CATSPERB: variants seen among roughly 807,000 people sequenced by gnomAD.
The protein encoded by CATSPERB is catsper channel auxiliary subunit beta.
CATSPERB carries 93 observed loss-of-function variants against 128.3 expected under a neutral mutation model. That is an observed-to-expected ratio of 0.72 (90% CI 0.61 to 0.86). CATSPERB has a LOEUF of 0.86. Among genes scored for constraint, CATSPERB ranks in the 40% least tolerant of loss-of-function variants. The probability of loss-of-function intolerance (pLI) is 0.00; values close to 1 mark genes in which losing one functional copy is unlikely to be tolerated. For synonymous variants in CATSPERB, 381 were observed against 448.8 expected, an observed-to-expected ratio of 0.85 and a Z score of 1.91; for missense variants, 1,153 against 1,329.5, an observed-to-expected ratio of 0.87 and a Z score of 2.06.
At chr14:91,622,222 A>C (rs199705842) in intron 18 of CATSPERB, among the ~76,000 whole-genome samples, 1 of 126,388 alleles carries the variant, frequency 7.9e-6, no homozygotes. Flanking sequence ...TTTTTTTTTT[A>C]CTATGGAAAT....
intron 2 of CATSPERB, 80 bp from the exon 3 acceptor site, chr14:91,725,248 A>C (rs1052626525): frequency 1.6e-5 from 9 of 551,054 alleles, no homozygotes; most frequent in Non-Finnish European, 1.7e-5. Flanking sequence ...TAAAACTGAC[A>C]AAATATTTTT....
Position 91,639,123 on chromosome 14 carries a change from A to G in CATSPERB, c.1560T>C (p.Phe520=). ...RFEASGPPTA[F]GNSRNLFGQP... is the part of the protein sequence containing the mutation. Reference sequence around the variant, plus strand: ...GTCCAAAAAGATTTCTAGAATTTCCAAAGGCTGTGGGTGGTCCACTAGCTT... The same window carrying G: ...GTCCAAAAAGATTTCTAGAATTTCCGAAGGCTGTGGGTGGTCCACTAGCTT... Residue 520 remains phenylalanine, a synonymous_variant, in exon 16 of 27, where the codon TTT becomes TTC. Transcript: ENST00000256343. 1.2e-6 allele frequency: 2 copies of G among 1,614,020 alleles called. No individual in the cohort carries two copies. Among genetic ancestry groups the G allele is most frequent in the Non-Finnish European group, 1.7e-6 (2 of 1,179,984 alleles).
At chr14:91,609,275 T>C (rs1266377908) in intron 21 of CATSPERB, among the ~76,000 whole-genome samples, 1 of 152,034 alleles carries the variant, frequency 6.6e-6, no homozygotes, top group Non-Finnish European at 1.5e-5. Context: ...ATGGAACCCA[T>C]GGTGTTATTT....
In CATSPERB at chr14:91,617,641, T is replaced by A; in HGVS notation, c.2356A>T (p.Ser786Cys). 1 of 1,599,818 alleles carries A rather than the reference T, an allele frequency of 6.3e-7. No homozygotes were observed. The highest frequency in any genetic ancestry group is 1.1e-5 in the South Asian group (1 of 87,692). The change falls in exon 20 of 27, where the codon AGT (serine) becomes TGT (cysteine). Residue 786 changes from serine to cysteine, a missense_variant. Transcript: ENST00000256343. ...TAEVTFDDTD[S>C]YVITISAASK... ...GCTGCAGAAATTGTTATTACATAAC[T>A]GTCAGTATCATCAAAAGTCACTTCA... is the stretch of plus-strand genomic sequence containing the variant.
chr14:91,694,251 C>T (rs1895519719), intron 7 of CATSPERB, among the ~76,000 whole-genome samples: 1 of 151,738 alleles, frequency 6.6e-6, no homozygotes, highest in Admixed American at 6.6e-5. Context: ...TTGAGACCAG[C>T]CTGGGCAACA....
chr14:91,617,708 CAGT>C lies in CATSPERB; in HGVS notation c.2286_2288del (p.Leu763del). On this transcript the variant is annotated inframe_deletion, in exon 20 of 27. Transcript: ENST00000256343. ...AATTAGGGTTTCCAACAAACACAGT[CAGT>C]AGTGGTATTTCAAGCATTCGAAAAC... 1 of 1,600,754 alleles carries C rather than the reference CAGT, an allele frequency of 6.2e-7. No individual in the cohort carries two copies. The highest frequency in any genetic ancestry group is 8.5e-7 in the Non-Finnish European group (1 of 1,175,738).
chr14:91,621,693 A>T lies in CATSPERB; in HGVS notation c.2175T>A (p.Asp725Glu). 2 of 1,613,872 alleles carry T rather than the reference A, an allele frequency of 1.2e-6. No homozygotes were observed. The highest frequency in any genetic ancestry group is 1.7e-6 in the Non-Finnish European group (2 of 1,179,716). ...TCACGATGTTGAGGGATGGTGAATC[A>T]TCATGTTGAAACCAATAATTACATG... ...SKPCNYWFQH[D>E]DSPSLNIVKY... The change falls in exon 19 of 27, where the codon GAT (aspartate) becomes GAA (glutamate). Residue 725 changes from aspartate (D) to glutamate (E), a missense_variant. Physicochemically the swap from Asp to Glu is conservative, Grantham distance 45. Coordinates refer to ENST00000256343, the MANE Select transcript of CATSPERB (RefSeq NM_024764.4).
chr14:91,589,858 A>G (rs1438362162), intron 23 of CATSPERB, among the ~76,000 whole-genome samples, 189 bp from the exon 24 acceptor site: 2 of 152,228 alleles, frequency 1.3e-5, no homozygotes, highest in South Asian at 2.1e-4. Flanking sequence ...CAAAGGCAGT[A>G]TATACATTGT....
chr14:91,679,609 G>T (rs1407627296), intron 11 of CATSPERB, among the ~76,000 whole-genome samples: 1 of 152,050 alleles, frequency 6.6e-6, no homozygotes, highest in Non-Finnish European at 1.5e-5. Flanking sequence ...CTTCTATGTT[G>T]CCCTTAAAGT....
chr14:91,636,438 C>G lies in CATSPERB; in HGVS notation c.1729G>C (p.Val577Leu). Residue 577 changes from valine (V) to leucine (L), a missense_variant, in exon 17 of 27, where the codon GTG (valine) becomes CTG (leucine). Val to Leu is a conservative substitution (Grantham distance 32). Transcript: ENST00000256343. ...GCATATCACTACCCAGAGTGTATCA[C>G]TTTTCCATAGTGTATATTGCCGAAC... Reference protein sequence around the residue: ...KKFGNIHYGKVIHSGKTGRAY... With the variant: ...KKFGNIHYGKLIHSGKTGRAY... 1 of 1,614,000 alleles carries G rather than the reference C, an allele frequency of 6.2e-7. No homozygotes were observed. The highest frequency in any genetic ancestry group is 8.5e-7 in the Non-Finnish European group (1 of 1,179,952).
chr14:91,633,397 A>G (rs576338762), intron 17 of CATSPERB, among the ~76,000 whole-genome samples: 4 of 152,250 alleles, frequency 2.6e-5, no homozygotes, highest in Admixed American at 2.6e-4. Flanking sequence ...AAAATATTCC[A>G]GTCTTAAACT....
At chr14:91,591,226 T>C (rs1262220691) in intron 23 of CATSPERB, among the ~76,000 whole-genome samples, 1 of 151,996 alleles carries the variant, frequency 6.6e-6, no homozygotes, top group African/African-American at 2.4e-5. Context: ...GGCTGATTTT[T>C]GTATTTTTAG....
intron 11 of CATSPERB, among the ~76,000 whole-genome samples, chr14:91,675,157 C>T (rs184695804): frequency 1.3e-3 from 196 of 152,298 alleles, no homozygotes; most frequent in Middle Eastern, 0.01. Flanking sequence ...TGGTTTGCAA[C>T]GAGTGGGGCA....
intron 15 of CATSPERB, among the ~76,000 whole-genome samples, chr14:91,645,540 C>A (rs1347248286): frequency 6.1e-5 from 4 of 65,140 alleles, no homozygotes; most frequent in Non-Finnish European, 1.0e-4. Context: ...GGTCAGGGAC[C>A]CACTTGAGGA....
At chr14:91,591,211 T>C (rs1166334998) in intron 23 of CATSPERB, among the ~76,000 whole-genome samples, 1 of 152,066 alleles carries the variant, frequency 6.6e-6, no homozygotes, top group Non-Finnish European at 1.5e-5. Flanking sequence ...CAAGCCACCA[T>C]GCCCGGCTGA....
intron 5 of CATSPERB, chr14:91,709,222 T>G (rs985395195): frequency 6.6e-6 from 1 of 152,172 alleles, no homozygotes. Flanking sequence ...TTGGGAGAGA[T>G]AATGGCTACA....
chr14:91,648,426 T>C (rs978607662), intron 15 of CATSPERB, among the ~76,000 whole-genome samples: 5 of 152,188 alleles, frequency 3.3e-5, no homozygotes, highest in Non-Finnish European at 7.3e-5. Flanking sequence ...CAACACAACA[T>C]CTTAATTCCT....
At chr14:91,676,674 A>G (rs1035538653) in intron 11 of CATSPERB, among the ~76,000 whole-genome samples, 2 of 152,204 alleles carry the variant, frequency 1.3e-5, no homozygotes, top group African/African-American at 4.8e-5. Flanking sequence ...ACTTTTAAAA[A>G]CTGAACTGCC....
At position 91,682,718 on chromosome 14, in the gene CATSPERB, G is replaced by T. The variant is rs1458625756; in HGVS notation, c.931+1159C>A. 2.6e-5 allele frequency among the ~76,000 whole-genome samples: 4 copies of T among 152,230 alleles called. No homozygotes were observed. In the East Asian group the frequency reaches 7.7e-4, roughly 29 times the overall value. On this transcript the variant is annotated intron_variant, in intron 11 of 26. Transcript: ENST00000256343. ...CACCACTGTCAAAAATGGGCATCCT[G>T]GTGGTTTTACCCACTAGCCATCTTT...
Sources: gnomAD v4.1 joint callset for allele counts (sites outside exome capture counted in the v4.1 genomes callset) on GRCh38, gnomAD v4.1.1 for gene constraint, MANE v1.5 for transcripts, NCBI Gene and HGNC (gene_info 2026-07-23, HGNC 2026-07-21) for gene names.